The following COL6A5 variants were observed in gnomAD, a reference collection of about 807,000 sequenced individuals.
COL6A5 encodes collagen type VI alpha 5 chain.
A neutral mutation model predicts 65.6 loss-of-function variants in COL6A5; 48 were observed. The observed-to-expected ratio is 0.73, with a 90% CI of 0.58 to 0.93. The LOEUF is 0.93. Ranked by LOEUF, COL6A5 falls within the 40% of genes least tolerant of loss-of-function variation. COL6A5 has a pLI of 0.00. For synonymous variants in COL6A5, 291 were observed against 322.8 expected (o/e 0.90, Z 1.05); for missense variants, 914 against 928.3 (o/e 0.98, Z 0.20).
At chr3:130,375,358 G>C (rs960997674) in intron 2 of COL6A5, among the ~76,000 whole-genome samples, 1 of 152,056 alleles carries the variant, frequency 6.6e-6, no homozygotes, top group Non-Finnish European at 1.5e-5. Context: ...CCTCAAAGAG[G>C]GACAGCTCTG....
At chr3:130,347,198 T>C (rs966144795) in intron 1 of COL6A5, among the ~76,000 whole-genome samples, 3 of 152,178 alleles carry the variant, frequency 2.0e-5, no homozygotes, top group African/African-American at 7.2e-5. Flanking sequence ...TTTCTCAGTT[T>C]TCCCTTTTCT....
intron 10 of COL6A5, 65 bp downstream of exon 10, chr3:130,398,176 G>GT: frequency 8.9e-7 from 1 of 1,127,814 alleles, no homozygotes; most frequent in Non-Finnish European, 1.3e-6. Flanking sequence ...TGTCACCCAG[G>GT]TTGGAGTGCA....
At chr3:130,426,506 T>A, upstream of COL6A5, 1 of 1,167,098 alleles carries the variant, frequency 8.6e-7, no homozygotes, top group Non-Finnish European at 1.3e-6. Context: ...AGTTCACTGG[T>A]GGGAAGCCTC....
chr3:130,438,999 G>T (rs1307354122), intron 1 of COL6A5, among the ~76,000 whole-genome samples: 5 of 152,112 alleles, frequency 3.3e-5, no homozygotes, highest in Non-Finnish European at 7.4e-5. Flanking sequence ...TGATTGAGAG[G>T]GTCCTCTTGA....
intron 17 of COL6A5, among the ~76,000 whole-genome samples, chr3:130,407,798 G>T (rs1009050454): frequency 1.3e-5 from 2 of 152,162 alleles, no homozygotes; most frequent in Non-Finnish European, 2.9e-5. Context: ...AAGTTTAATC[G>T]GAAATAATTA....
chr3:130,364,703 T>C (rs1467175356), intron 1 of COL6A5, among the ~76,000 whole-genome samples: 1 of 152,202 alleles, frequency 6.6e-6, no homozygotes, highest in Admixed American at 6.5e-5. Flanking sequence ...CTATGATGCC[T>C]GGTCAGGTGC....
chr3:130,459,144 C>A (rs1030043634), intron 5 of COL6A5, among the ~76,000 whole-genome samples: 1 of 152,076 alleles, frequency 6.6e-6, no homozygotes, highest in Non-Finnish European at 1.5e-5. Flanking sequence ...CTAGGCCCTG[C>A]TCCTAGCTTT....
Position 130,397,991 on chromosome 3 carries a change from A to G in COL6A5, c.3910-39A>G, listed in dbSNP as rs1050327605. ...TTTGTTCTTCATTCCCCAATTATAT[A>G]TTTAGCTTTTACACCATACCATTTT... On this transcript the variant is annotated intron_variant and NMD_transcript_variant, in intron 9 of 41. Coordinates refer to the COL6A5 transcript ENST00000312481. The G allele has an allele frequency of 5.3e-5, 82 of 1,544,866 alleles. No homozygotes were observed. In the East Asian group the frequency reaches 1.3e-3, roughly 24 times the overall value.
At chr3:130,352,311 A>G (rs1340143755) in intron 1 of COL6A5, among the ~76,000 whole-genome samples, 1 of 152,152 alleles carries the variant, frequency 6.6e-6, no homozygotes, top group East Asian at 1.9e-4. Flanking sequence ...TGTAAAAAAA[A>G]AAAGATTCGT....
chr3:130,448,668 T>G (rs932127848), intron 4 of COL6A5, among the ~76,000 whole-genome samples: 6 of 152,108 alleles, frequency 3.9e-5, no homozygotes, highest in Admixed American at 1.3e-4. Context: ...AATTAAAATA[T>G]CATCAATATA....
chr3:130,420,206 C>T (rs1252518579), intron 25 of COL6A5, among the ~76,000 whole-genome samples: 1 of 151,402 alleles, frequency 6.6e-6, no homozygotes, highest in East Asian at 1.9e-4. Context: ...GAAAATTTAC[C>T]CAGAATAAAA....
intron 4 of COL6A5, among the ~76,000 whole-genome samples, chr3:130,452,449 G>A (rs1709466511): frequency 6.6e-6 from 1 of 152,130 alleles, no homozygotes; most frequent in African/African-American, 2.4e-5. Flanking sequence ...TGGGCATCCG[G>A]GGGAGACATC....
At chr3:130,380,545 G>C (rs141174646) in intron 4 of COL6A5, among the ~76,000 whole-genome samples, 53 of 152,098 alleles carry the variant, frequency 3.5e-4, no homozygotes, top group Admixed American at 3.9e-4. Context: ...ATGTATCAGT[G>C]CTGTCCAACA....
Position 130,356,841 on chromosome 3 carries a change from T to G in COL6A5, c.-29+10860T>G, listed in dbSNP as rs181788423. ...GATGAGCAGGCTTGCATGTCAAAGCTGATGCTGTACTCAGGAAAATGCGTT... is the reference window on the plus strand; with the variant it reads ...GATGAGCAGGCTTGCATGTCAAAGCGGATGCTGTACTCAGGAAAATGCGTT... On this transcript the variant is annotated intron_variant and NMD_transcript_variant, in intron 1 of 41. Transcript: ENST00000312481. Among the ~76,000 whole-genome samples, 46 of 152,300 alleles carry G rather than the reference T, an allele frequency of 3.0e-4. No individual in the cohort carries two copies. In the East Asian group the frequency reaches 8.3e-3, roughly 27 times the overall value.
intron 5 of COL6A5, among the ~76,000 whole-genome samples, chr3:130,457,428 A>C (rs1709597254): frequency 6.6e-6 from 1 of 152,106 alleles, no homozygotes; most frequent in African/African-American, 2.4e-5. Flanking sequence ...GTTCAGTATA[A>C]AAGAAAGACT....
At chr3:130,362,483 C>T (rs894959547) in intron 1 of COL6A5, among the ~76,000 whole-genome samples, 3 of 151,680 alleles carry the variant, frequency 2.0e-5, no homozygotes, top group Admixed American at 6.6e-5. Flanking sequence ...CCAGACTGTT[C>T]CATTGATTTG....
intron 1 of COL6A5, among the ~76,000 whole-genome samples, chr3:130,359,455 T>C (rs1363859931): frequency 6.6e-6 from 1 of 152,054 alleles, no homozygotes; most frequent in Non-Finnish European, 1.5e-5. Context: ...TTTATTTTTT[T>C]CTCACACAAG....
At chr3:130,481,182 G>A (rs1003952815) in intron 7 of COL6A5, among the ~76,000 whole-genome samples, 1 of 151,968 alleles carries the variant, frequency 6.6e-6, no homozygotes, top group Admixed American at 6.6e-5. Context: ...TTCTCCTAAT[G>A]CTATCACTCC....
At chr3:130,437,237 G>C (rs1396747970) in intron 1 of COL6A5, among the ~76,000 whole-genome samples, 1 of 152,050 alleles carries the variant, frequency 6.6e-6, no homozygotes, top group South Asian at 2.1e-4. Context: ...GTACATATGT[G>C]CAATAAAGTA....
Sources: allele counts gnomAD v4.1 joint callset (sites outside exome capture counted in the v4.1 genomes callset), GRCh38; gene constraint gnomAD v4.1.1; transcripts MANE v1.5; gene names NCBI Gene and HGNC (gene_info 2026-07-23, HGNC 2026-07-21).